The following JAK2 variants were observed in gnomAD, a reference collection of about 807,000 sequenced individuals.
JAK2 encodes the protein tyrosine-protein kinase JAK2.
In JAK2, 86 loss-of-function variants were observed where a neutral mutation model predicts 139.3. The observed-to-expected ratio is 0.62, with a 90% CI of 0.52 to 0.74. JAK2 has a LOEUF of 0.74. JAK2 is among the 30% of genes least tolerant of loss of function. The pLI, the probability that JAK2 is intolerant of heterozygous loss-of-function variation, is 0.00. For missense variants in JAK2, 1,421 were observed against 1,360.3 expected, an observed-to-expected ratio of 1.04 and a Z score of -0.70; for synonymous variants, 490 against 437.7, an observed-to-expected ratio of 1.12 and a Z score of -1.49.
intron 22 of JAK2, among the ~76,000 whole-genome samples, chr9:5,115,715 G>C (rs1422039790): frequency 2.6e-5 from 4 of 152,298 alleles, no homozygotes; most frequent in Admixed American, 2.0e-4. Flanking sequence ...TATACACCAT[G>C]GAATACTATG....
At chr9:5,072,453 T>C (rs1449607961) in intron 12 of JAK2, 39 bp from the exon 13 acceptor site, 5 of 1,469,278 alleles carry the variant, frequency 3.4e-6, no homozygotes, top group Non-Finnish European at 4.6e-6. Context: ...TCGTTCTCCA[T>C]CTTTACTCAT....
At chr9:5,117,287 T>C (rs1480609991) in intron 22 of JAK2, among the ~76,000 whole-genome samples, 1 of 152,230 alleles carries the variant, frequency 6.6e-6, no homozygotes, top group Non-Finnish European at 1.5e-5. Context: ...ATCATGTTAA[T>C]GAGTTCAGAC....
chr9:5,029,986 G>T, intron 4 of JAK2, 80 bp downstream of exon 4: 2 of 1,275,226 alleles, frequency 1.6e-6, no homozygotes, highest in South Asian at 1.5e-5. Context: ...TAATTGCAAG[G>T]TACTTAATAC....
intron 22 of JAK2, chr9:5,111,971 C>T (rs1040216511): frequency 4.8e-5 from 17 of 353,046 alleles, no homozygotes; most frequent in Non-Finnish European, 8.4e-5. Context: ...CCTCCACCGC[C>T]GTGGGCTCCC....
chr9:5,121,760 GA>G (rs1823631239), intron 22 of JAK2, among the ~76,000 whole-genome samples: 2 of 152,178 alleles, frequency 1.3e-5, no homozygotes, highest in African/African-American at 4.8e-5. Context: ...TCAACAAGGG[GA>G]ATTAATTTTG....
intron 16 of JAK2, among the ~76,000 whole-genome samples, chr9:5,079,224 C>T (rs79136062): frequency 2.6e-5 from 4 of 152,018 alleles, no homozygotes; most frequent in South Asian, 2.1e-4. Flanking sequence ...CCTTTGGAAT[C>T]GGAAGTGAAG....
intron 22 of JAK2, among the ~76,000 whole-genome samples, chr9:5,119,163 A>G (rs1226259830): frequency 1.3e-5 from 2 of 152,182 alleles, no homozygotes; most frequent in Non-Finnish European, 2.9e-5. Flanking sequence ...CATACAACCC[A>G]TTTGGTAATG....
chr9:5,020,805 G>T (rs1427591229), intron 2 of JAK2, among the ~76,000 whole-genome samples: 1 of 152,182 alleles, frequency 6.6e-6, no homozygotes, highest in East Asian at 1.9e-4. Context: ...CAATGGAGGT[G>T]ACTGTCGGTG....
chr9:5,073,811 T>A, intron 14 of JAK2, 26 bp downstream of exon 14: 1 of 1,402,724 alleles, frequency 7.1e-7, no homozygotes, highest in Non-Finnish European at 1.0e-6. Flanking sequence ...GGCTTTCTAA[T>A]GCCTTTCTCA....
rs1353615418 is a variant in JAK2, at chr9:5,128,259, A to T, written c.*1468A>T. On this transcript the variant is annotated 3_prime_UTR_variant, in exon 25 of 25. Transcript: ENST00000381652. ...TTTTGGGTTGAAGGGAAGGAAAAGG[A>T]AGAAATGTTTTTTACATTCATTATT... 4.3e-6 allele frequency: 1 copy of T among 230,082 alleles called. No homozygotes were observed. Among genetic ancestry groups the T allele is most frequent in the African/African-American group, 2.2e-5 (1 of 45,114 alleles). 14.3% of individuals were successfully genotyped at this position (230,082 alleles called of 1,614,324 possible).
At chr9:5,084,145 G>A (rs1013220489) in intron 19 of JAK2, among the ~76,000 whole-genome samples, 2 of 152,054 alleles carry the variant, frequency 1.3e-5, no homozygotes, top group Non-Finnish European at 2.9e-5. Flanking sequence ...TAAGGAAGGC[G>A]TTTTCAAAAT....
intron 4 of JAK2, among the ~76,000 whole-genome samples, chr9:5,039,103 A>G (rs994610981): frequency 1.3e-5 from 2 of 152,130 alleles, no homozygotes; most frequent in African/African-American, 4.8e-5. Context: ...GAATGAGATG[A>G]GGATAGCTAC....
intron 22 of JAK2, chr9:5,097,171 A>T (rs7847141): frequency 0.35 from 52,662 of 151,874 alleles, 9,655 homozygotes; most frequent in African/African-American, 0.48. Flanking sequence ...ATTATTAACA[A>T]AAAGCCCCCA....
At chr9:5,032,724 T>C (rs1051664260) in intron 4 of JAK2, among the ~76,000 whole-genome samples, 10 of 151,814 alleles carry the variant, frequency 6.6e-5, no homozygotes, top group Non-Finnish European at 1.3e-4. Context: ...AGAAATGACA[T>C]CCACACCAAA....
intron 19 of JAK2, among the ~76,000 whole-genome samples, chr9:5,087,165 G>A (rs1157642098): frequency 6.6e-6 from 1 of 152,176 alleles, no homozygotes; most frequent in Non-Finnish European, 1.5e-5. Flanking sequence ...CCCGAGACTG[G>A]GTAATTTATA....
intron 2 of JAK2, among the ~76,000 whole-genome samples, chr9:5,007,774 C>T (rs563665780): frequency 2.1e-4 from 32 of 151,460 alleles, no homozygotes; most frequent in Middle Eastern, 6.8e-3. Context: ...GGCTGAACTG[C>T]AGTGGTGTGA....
chr9:5,036,512 C>G (rs1007908605), intron 4 of JAK2, among the ~76,000 whole-genome samples: 2 of 152,198 alleles, frequency 1.3e-5, no homozygotes, highest in African/African-American at 2.4e-5. Context: ...CAGCATGGTA[C>G]TGGTATCAAA....
intron 22 of JAK2, chr9:5,094,873 C>T (rs1053872739): frequency 1.3e-5 from 2 of 152,142 alleles, no homozygotes; most frequent in African/African-American, 4.8e-5. Context: ...TTTTAACCAC[C>T]GTTTTTATGA....
intron 19 of JAK2, among the ~76,000 whole-genome samples, chr9:5,082,654 G>C (rs1819787029): frequency 6.6e-6 from 1 of 152,210 alleles, no homozygotes; most frequent in Admixed American, 6.5e-5. Context: ...CTATCACATG[G>C]GGAGAAACCT....
Sources: gnomAD v4.1 joint callset for allele counts (sites outside exome capture counted in the v4.1 genomes callset) on GRCh38, gnomAD v4.1.1 for gene constraint, MANE v1.5 for transcripts, NCBI Gene and HGNC (gene_info 2026-07-23, HGNC 2026-07-21) for gene names.